CNTN4: variants seen among roughly 807,000 people sequenced by gnomAD.
The protein encoded by CNTN4 is contactin-4.
In CNTN4, 77 loss-of-function variants were observed where a neutral mutation model predicts 122.5. The ratio of observed to expected loss-of-function variants is 0.63; its 90% CI spans 0.52 to 0.76. The LOEUF (loss-of-function observed/expected upper bound fraction) is 0.76. Ranked by LOEUF, CNTN4 falls within the 30% of genes least tolerant of loss-of-function variation. CNTN4 has a pLI of 0.00. For synonymous variants in CNTN4, 512 were observed against 447.0 expected (o/e 1.15, Z -1.83); for missense variants, 1,256 against 1,259.1 (o/e 1.00, Z 0.04).
intron 2 of CNTN4, among the ~76,000 whole-genome samples, chr3:2,249,288 C>T (rs1328165365): frequency 1.3e-5 from 2 of 151,906 alleles, no homozygotes; most frequent in Non-Finnish European, 2.9e-5. Flanking sequence ...TGAAAAGTCA[C>T]ATCTCTGGAA....
intron 2 of CNTN4, among the ~76,000 whole-genome samples, chr3:2,212,057 G>A (rs1470394740): frequency 5.3e-5 from 8 of 151,880 alleles, no homozygotes; most frequent in South Asian, 2.1e-4. Flanking sequence ...CACTGTAACC[G>A]CAAACTCCTG....
At chr3:2,705,874 ATAT>A (rs1277179120) in intron 4 of CNTN4, among the ~76,000 whole-genome samples, 1 of 73,242 alleles carries the variant, frequency 1.4e-5, no homozygotes, top group East Asian at 3.7e-4. Context: ...TATATAATAT[ATAT>A]TTTTTATATA....
chr3:2,374,706 C>T (rs1431131529), intron 3 of CNTN4, among the ~76,000 whole-genome samples: 1 of 152,066 alleles, frequency 6.6e-6, no homozygotes, highest in African/African-American at 2.4e-5. Flanking sequence ...ATTTATATTC[C>T]ATTCATTAAA....
At chr3:2,639,073 A>C (rs1238027746) in intron 4 of CNTN4, among the ~76,000 whole-genome samples, 1 of 152,184 alleles carries the variant, frequency 6.6e-6, no homozygotes, top group East Asian at 1.9e-4. Flanking sequence ...TTTTCAACAC[A>C]GCTATCCGAG....
chr3:2,317,068 A>G (rs951484372), intron 2 of CNTN4, among the ~76,000 whole-genome samples: 2 of 152,070 alleles, frequency 1.3e-5, no homozygotes, highest in African/African-American at 4.8e-5. Flanking sequence ...AAGCTCTCAG[A>G]CCTCTCTTAA....
chr3:2,171,340 A>G (rs2036500483), intron 2 of CNTN4, among the ~76,000 whole-genome samples: 1 of 152,220 alleles, frequency 6.6e-6, no homozygotes, highest in African/African-American at 2.4e-5. Flanking sequence ...CTCATAAAAT[A>G]GGATGTAATA....
At chr3:2,634,548 G>A (rs569029171) in intron 4 of CNTN4, among the ~76,000 whole-genome samples, 1 of 151,858 alleles carries the variant, frequency 6.6e-6, no homozygotes, top group African/African-American at 2.4e-5. Flanking sequence ...AAAAATTCTA[G>A]GGCCGGGCAC....
chr3:2,160,264 C>T (rs538509171), intron 2 of CNTN4, among the ~76,000 whole-genome samples: 19 of 152,068 alleles, frequency 1.2e-4, no homozygotes, highest in Admixed American at 2.6e-4. Flanking sequence ...CTAAAACCAT[C>T]GTTTTACTGA....
At chr3:3,017,657 T>C (rs9863684) in intron 14 of CNTN4, among the ~76,000 whole-genome samples, 21,205 of 152,218 alleles carry the variant, frequency 0.14, 1,750 homozygotes, top group African/African-American at 0.24. Flanking sequence ...GGGTGCAATG[T>C]CCTTTATTTT....
At chr3:3,042,288 C>T (rs1240723232) in intron 20 of CNTN4, 22 bp from the exon 21 acceptor site, 2 of 1,483,822 alleles carry the variant, frequency 1.3e-6, no homozygotes, top group African/African-American at 2.8e-5. Flanking sequence ...AGAGTAATAA[C>T]TATCTCCATA....
At chr3:2,542,365 T>C (rs1390873219) in intron 3 of CNTN4, among the ~76,000 whole-genome samples, 1 of 152,090 alleles carries the variant, frequency 6.6e-6, no homozygotes, top group Non-Finnish European at 1.5e-5. Context: ...GATTGTGAGT[T>C]GTGATTTAAG....
At chr3:2,235,399 T>A (rs559227856) in intron 2 of CNTN4, among the ~76,000 whole-genome samples, 58 of 152,320 alleles carry the variant, frequency 3.8e-4, no homozygotes, top group Non-Finnish European at 6.6e-4. Context: ...AGCCTGTTTT[T>A]CAACATGCTA....
At chr3:2,289,107 T>A (rs1224846885) in intron 2 of CNTN4, among the ~76,000 whole-genome samples, 1 of 152,218 alleles carries the variant, frequency 6.6e-6, no homozygotes, top group Non-Finnish European at 1.5e-5. Context: ...CTTATAAGGC[T>A]ATACATTTAT....
intron 3 of CNTN4, among the ~76,000 whole-genome samples, chr3:2,558,447 A>G (rs1396825484): frequency 6.6e-6 from 1 of 152,032 alleles, no homozygotes; most frequent in African/African-American, 2.4e-5. Context: ...CTTGTTGTAG[A>G]ATATTACTCA....
At chr3:2,971,262 A>G (rs1692886930) in intron 13 of CNTN4, among the ~76,000 whole-genome samples, 1 of 152,196 alleles carries the variant, frequency 6.6e-6, no homozygotes, top group Non-Finnish European at 1.5e-5. Flanking sequence ...GTGGACTTGC[A>G]CAGTTCAGAC....
At chr3:2,885,158 T>C (rs565183701) in intron 9 of CNTN4, among the ~76,000 whole-genome samples, 13 of 152,336 alleles carry the variant, frequency 8.5e-5, no homozygotes, top group African/African-American at 3.1e-4. Flanking sequence ...TTAGTCTAAT[T>C]ACTTCTCTGT....
chr3:2,928,964 TTA>T (rs1291652924), intron 13 of CNTN4, among the ~76,000 whole-genome samples: 1 of 152,244 alleles, frequency 6.6e-6, no homozygotes, highest in African/African-American at 2.4e-5. Flanking sequence ...TTAAAATATG[TTA>T]TTGTTTTGGC....
intron 7 of CNTN4, among the ~76,000 whole-genome samples, chr3:2,854,211 C>T (rs570632451): frequency 1.3e-5 from 2 of 149,950 alleles, no homozygotes; most frequent in African/African-American, 4.9e-5. Context: ...CGCAGGGAAG[C>T]GGGGAAAAGC....
At chr3:2,459,896 T>C (rs1206945965) in intron 3 of CNTN4, among the ~76,000 whole-genome samples, 2 of 152,186 alleles carry the variant, frequency 1.3e-5, no homozygotes, top group Admixed American at 6.5e-5. Context: ...TCAGTCTTCT[T>C]CCCTTGTATT....
Sources: allele counts gnomAD v4.1 joint callset (sites outside exome capture counted in the v4.1 genomes callset), GRCh38; gene constraint gnomAD v4.1.1; transcripts MANE v1.5; gene names NCBI Gene and HGNC (gene_info 2026-07-23, HGNC 2026-07-21).